PDIK1L: variants seen among roughly 807,000 people sequenced by gnomAD.
The protein encoded by PDIK1L is PDLIM1 interacting kinase 1 like, also known as serine/threonine-protein kinase PDIK1L.
A neutral mutation model predicts 27.1 loss-of-function variants in PDIK1L; 9 were observed. The observed-to-expected ratio is 0.33, with a 90% CI of 0.20 to 0.58. PDIK1L has a LOEUF of 0.58. Among genes scored for constraint, PDIK1L ranks in the 20% least tolerant of loss-of-function variants. PDIK1L has a pLI of 0.86. For synonymous variants in PDIK1L, 130 were observed against 141.7 expected (o/e 0.92, Z 0.59); for missense variants, 216 against 413.2 (o/e 0.52, Z 4.14).
rs147965516 is a variant in PDIK1L at position 26,120,212 on chromosome 1, G to A, written c.286-1625G>A. Among the ~76,000 whole-genome samples, 295 of 152,312 alleles carry A rather than the reference G, an allele frequency of 1.9e-3. 1 individual carries two copies. The highest frequency in any genetic ancestry group is 6.6e-3 in the African/African-American group (274 of 41,562). On this transcript the variant is annotated intron_variant, in intron 2 of 2. Coordinates refer to ENST00000374269, the MANE Select transcript of PDIK1L (RefSeq NM_152835.5). ...GAAGTATATGGTACAGAGACCTTAT[G>A]TGGCTGTCAAGCCCGAAATATTTAC...
At chr1:26,119,536 G>C (rs2087941165) in intron 2 of PDIK1L, among the ~76,000 whole-genome samples, 1 of 152,008 alleles carries the variant, frequency 6.6e-6, no homozygotes, top group African/African-American at 2.4e-5. Flanking sequence ...TACATACAAA[G>C]GTCGTGAAGC....
chr1:26,121,785 G>T, intron 2 of PDIK1L, 52 bp from the exon 3 acceptor site: 1 of 1,502,510 alleles, frequency 6.7e-7, no homozygotes, highest in South Asian at 1.3e-5. Context: ...TCCTATAACT[G>T]AATTGTATAA....
intron 2 of PDIK1L, among the ~76,000 whole-genome samples, chr1:26,120,611 T>C (rs1242108672): frequency 6.6e-6 from 1 of 152,190 alleles, no homozygotes; most frequent in Non-Finnish European, 1.5e-5. Context: ...GCCTTTTCTG[T>C]TCAACTCATG....
intron 1 of PDIK1L, among the ~76,000 whole-genome samples, chr1:26,113,261 G>A (rs537547116): frequency 6.6e-6 from 1 of 152,062 alleles, no homozygotes; most frequent in African/African-American, 2.4e-5. Context: ...AGGCCGAGGC[G>A]GGCGGATCAC....
chr1:26,111,726 G>T (rs1041344336), upstream of PDIK1L: 1 of 151,562 alleles, frequency 6.6e-6, no homozygotes, highest in African/African-American at 2.4e-5. This position sits in a 1 kb window ranked among gnomAD's most constrained non-coding sequence, Gnocchi z 4.0. Flanking sequence ...CGGTGGCGCG[G>T]AACGTCCCGG....
chr1:26,121,918 G>C lies in PDIK1L; in HGVS notation c.367G>C (p.Asp123His). The change falls in exon 3 of 3, where the codon GAC becomes CAC. Residue 123 changes from aspartate to histidine, a missense_variant. Physicochemically the swap from Asp to His is moderately conservative, Grantham distance 81. Around this residue, in one of 2 missense-constraint regions of PDIK1L, gnomAD observed 169 missense variants for 366.0 expected, o/e 0.46. Transcript: ENST00000374269. ...TTTGTGGTTTGTGATGGATTTTTGTGACGGAGGAGATATGAATGAGTATCT... is the reference window on the plus strand; with the variant it reads ...TTTGTGGTTTGTGATGGATTTTTGTCACGGAGGAGATATGAATGAGTATCT... ...YYLWFVMDFC[D>H]GGDMNEYLLS... 6.2e-7 allele frequency: 1 copy of C among 1,614,014 alleles called. No individual in the cohort carries two copies. Among genetic ancestry groups the C allele is most frequent in the Non-Finnish European group, 8.5e-7 (1 of 1,179,996 alleles).
At chr1:26,116,276 G>A in intron 2 of PDIK1L, among the ~76,000 whole-genome samples, 1 of 151,786 alleles carries the variant, frequency 6.6e-6, no homozygotes, top group Non-Finnish European at 1.5e-5. Context: ...TTAGGAGGGT[G>A]AAGCAGGAGG....
At chr1:26,115,529 C>T (rs1014922147) in intron 2 of PDIK1L, among the ~76,000 whole-genome samples, 3 of 152,346 alleles carry the variant, frequency 2.0e-5, no homozygotes, top group Middle Eastern at 3.4e-3. Context: ...GGGCCAGGCA[C>T]AGTGGCTCAC....
In PDIK1L at chr1:26,122,743, GT is replaced by G; in HGVS notation, c.*170del. 1.3e-6 allele frequency: 1 copy of G among 764,294 alleles called. No homozygotes were observed. The highest frequency in any genetic ancestry group is 1.9e-6 in the Non-Finnish European group (1 of 528,226). 47.3% of individuals were successfully genotyped at this position (764,294 alleles called of 1,614,324 possible). A position where few individuals can be genotyped will look rare whatever the true frequency, so the allele number is the denominator to read the frequency against. ...CATTTTTCTTAAATCCAAGTTGGCC[GT>G]TTTATTAGTATGTTTCAAATGTGTA... On this transcript the variant is annotated 3_prime_UTR_variant, in exon 3 of 3. Transcript: ENST00000374269. The surrounding 1 kb of genome is among the most constrained non-coding windows in gnomAD (Gnocchi z 5.4).
intron 2 of PDIK1L, among the ~76,000 whole-genome samples, chr1:26,116,595 G>A (rs1237859078): frequency 6.6e-6 from 1 of 152,166 alleles, no homozygotes; most frequent in African/African-American, 2.4e-5. Flanking sequence ...ACAAATACAC[G>A]AATGTATGTA....
At chr1:26,117,087 A>G (rs995297053) in intron 2 of PDIK1L, among the ~76,000 whole-genome samples, 7 of 127,084 alleles carry the variant, frequency 5.5e-5, no homozygotes, top group Non-Finnish European at 1.1e-4. Context: ...GCTGGAGTGC[A>G]GTGGTGCGAT....
intron 2 of PDIK1L, 88 bp from the exon 3 acceptor site, chr1:26,121,749 C>G: frequency 7.5e-7 from 1 of 1,338,370 alleles, no homozygotes; most frequent in Non-Finnish European, 1.0e-6. Flanking sequence ...AAGGTGGAGA[C>G]TGACTTAACC....
chr1:26,114,488 C>G lies in PDIK1L; in HGVS notation c.180C>G (p.Ile60Met), dbSNP rs2087848672. 6.2e-7 allele frequency: 1 copy of G among 1,614,020 alleles called. No homozygotes were observed. The highest frequency in any genetic ancestry group is 8.5e-7 in the Non-Finnish European group (1 of 1,180,016). Residue 60 changes from isoleucine to methionine, a missense_variant, in exon 2 of 3, where the codon ATC (isoleucine) becomes ATG (methionine). By Grantham distance (10) the Ile-to-Met change is conservative. Transcript: ENST00000374269. The surrounding 1 kb of genome is among the most constrained non-coding windows in gnomAD (Gnocchi z 4.8). Reference protein sequence around the residue: ...ALREFWALSSIKSQHPNVIHL... With the variant: ...ALREFWALSSMKSQHPNVIHL... ...GTGAGTTCTGGGCACTAAGCAGTAT[C>G]AAGAGCCAACATCCAAATGTGATTC... is the stretch of plus-strand genomic sequence containing the variant.
At chr1:26,112,280 T>C (rs897697379) in intron 1 of PDIK1L, among the ~76,000 whole-genome samples, 3 of 152,208 alleles carry the variant, frequency 2.0e-5, no homozygotes, top group African/African-American at 4.8e-5. Flanking sequence ...TGGCCGCGAC[T>C]GGCCCTTCCC....
rs1211921254 is a variant in PDIK1L at position 26,116,899 on chromosome 1, AGAGAT to A, written c.285+2312_285+2316del. Among the ~76,000 whole-genome samples the A allele has an allele frequency of 4.0e-5, 6 of 150,602 alleles. No individual in the cohort carries two copies. In the East Asian group the frequency reaches 1.2e-3, roughly 30 times the overall value. On this transcript the variant is annotated intron_variant, in intron 2 of 2. Transcript: ENST00000374269. ...CCCGGCTAATTTTTGTGTATTTAGT[AGAGAT>A]GAGATTTCACCATGTGGACCAGGCT...
At chr1:26,113,972 G>A (rs2087840988) in intron 1 of PDIK1L, among the ~76,000 whole-genome samples, 1 of 152,154 alleles carries the variant, frequency 6.6e-6, no homozygotes, top group Non-Finnish European at 1.5e-5. Context: ...ACTAGCTGTT[G>A]ACCTTAGGCG....
intron 2 of PDIK1L, among the ~76,000 whole-genome samples, chr1:26,115,675 G>A (rs1055547187): frequency 2.6e-5 from 4 of 152,002 alleles, no homozygotes; most frequent in Non-Finnish European, 4.4e-5. Context: ...AGTGGTGGAC[G>A]CCTGTAGTCC....
At chr1:26,116,330 C>T (rs1033238723) in intron 2 of PDIK1L, among the ~76,000 whole-genome samples, 9 of 151,838 alleles carry the variant, frequency 5.9e-5, no homozygotes, top group Non-Finnish European at 8.8e-5. Context: ...GGTAACATAG[C>T]AAAACCCCAT....
intron 2 of PDIK1L, among the ~76,000 whole-genome samples, chr1:26,120,145 T>A (rs1287671372): frequency 6.6e-6 from 1 of 152,166 alleles, no homozygotes; most frequent in Non-Finnish European, 1.5e-5. Context: ...AAATAGTTCT[T>A]AGATTTTTTT....
Sources: gnomAD v4.1 joint callset for allele counts (sites outside exome capture counted in the v4.1 genomes callset) on GRCh38, gnomAD v4.1.1 for gene constraint, gnomAD v4.1.1 regional missense constraint, Gnocchi (gnomAD v3.1) non-coding constraint, MANE v1.5 for transcripts, NCBI Gene and HGNC (gene_info 2026-07-23, HGNC 2026-07-21) for gene names.